Variants in CDH13 observed in about 807,000 individuals in gnomAD.
CDH13 encodes the protein cadherin-13.
CDH13 carries 24 observed loss-of-function variants against 63.8 expected under a neutral mutation model. That is an observed-to-expected ratio of 0.38 (90% CI 0.27 to 0.53). The LOEUF (loss-of-function observed/expected upper bound fraction) is 0.53, where lower values mean the gene tolerates loss of function less well. Among genes scored for constraint, CDH13 ranks in the 20% least tolerant of loss-of-function variants. The probability of loss-of-function intolerance (pLI) is 0.85; values close to 1 mark genes in which losing one functional copy is unlikely to be tolerated. For synonymous variants in CDH13, 503 were observed against 355.3 expected, an observed-to-expected ratio of 1.42 and a Z score of -4.67; for missense variants, 1,049 against 903.1, an observed-to-expected ratio of 1.16 and a Z score of -2.07.
chr16:83,411,000 G>T (rs2092118053), intron 6 of CDH13, among the ~76,000 whole-genome samples: 1 of 152,160 alleles, frequency 6.6e-6, no homozygotes, highest in Non-Finnish European at 1.5e-5. Flanking sequence ...GTCAACCCAT[G>T]TCCGTGCGTG....
chr16:83,346,339 C>T (rs550767897), intron 6 of CDH13, among the ~76,000 whole-genome samples: 8 of 152,280 alleles, frequency 5.3e-5, no homozygotes, highest in African/African-American at 1.9e-4. Context: ...TGGTGAGAAA[C>T]ACCCTAGAAT....
chr16:83,341,994 CACACACACACACACACA>C (rs2090735145), intron 5 of CDH13, among the ~76,000 whole-genome samples: 12 of 126,596 alleles, frequency 9.5e-5, no homozygotes, highest in Admixed American at 8.9e-4. Flanking sequence ...CCCTGCCACA[CACACACACACACACACA>C]CACACACACA....
At position 83,394,560 on chromosome 16, in the gene CDH13, C is replaced by T. The variant is rs1024034542; in HGVS notation, c.781+49554C>T. ...AGCAGATCACATCCAACTGTGCAGG[C>T]GTAGTAAAGAACCCAGCGTTTACTC... On this transcript the variant is annotated intron_variant, in intron 6 of 13. Coordinates refer to ENST00000567109, the MANE Select transcript of CDH13 (RefSeq NM_001257.5). 1.3e-4 allele frequency among the ~76,000 whole-genome samples: 20 copies of T among 152,196 alleles called. 1 individual carries two copies. In the South Asian group the frequency reaches 2.1e-3, roughly 16 times the overall value.
chr16:83,029,653 T>A (rs1337664076), intron 2 of CDH13, among the ~76,000 whole-genome samples: 2 of 152,156 alleles, frequency 1.3e-5, no homozygotes, highest in African/African-American at 4.8e-5. Flanking sequence ...TTAGATGCCA[T>A]GCAAATGCAG....
chr16:82,781,803 C>T (rs915203096), intron 1 of CDH13, among the ~76,000 whole-genome samples: 3 of 152,122 alleles, frequency 2.0e-5, no homozygotes, highest in East Asian at 1.9e-4. Context: ...ACATATAAGT[C>T]GCAGTTCTGT....
intron 7 of CDH13, among the ~76,000 whole-genome samples, chr16:83,508,171 A>C (rs1448856705): frequency 1.4e-4 from 14 of 97,390 alleles, no homozygotes; most frequent in African/African-American, 4.0e-4. Flanking sequence ...GGAGGGGAGG[A>C]GAGGGGAGGA....
At chr16:83,327,325 C>G (rs949706870) in intron 5 of CDH13, among the ~76,000 whole-genome samples, 2 of 152,208 alleles carry the variant, frequency 1.3e-5, no homozygotes, top group East Asian at 1.9e-4. Flanking sequence ...TTGAAACAGG[C>G]AGACAGGCTT....
rs552015114 is a variant in CDH13, at chr16:82,636,147, G to C, written c.45+9010G>C. 1.2e-4 allele frequency among the ~76,000 whole-genome samples: 19 copies of C among 152,266 alleles called. No homozygotes were observed. In the East Asian group the frequency reaches 3.7e-3, roughly 29 times the overall value. On this transcript the variant is annotated intron_variant, in intron 1 of 13. Coordinates refer to ENST00000567109, the MANE Select transcript of CDH13 (RefSeq NM_001257.5). ...GGTGGATAACTTGACAGGCTTTGATGGTGGCTGGGTATGGAGATGGCAGGG... is the reference window on the plus strand; with the variant it reads ...GGTGGATAACTTGACAGGCTTTGATCGTGGCTGGGTATGGAGATGGCAGGG...
At position 82,766,022 on chromosome 16, in the gene CDH13, T is replaced by C. The variant is rs560633301; in HGVS notation, c.46-92340T>C. ...TTAATAGAGAAATCTACAGCAACTCTTTATATTCTGGAGAGGTTTTATTAC... is the reference window on the plus strand; with the variant it reads ...TTAATAGAGAAATCTACAGCAACTCCTTATATTCTGGAGAGGTTTTATTAC... On this transcript the variant is annotated intron_variant, in intron 1 of 13. Coordinates refer to ENST00000567109, the MANE Select transcript of CDH13 (RefSeq NM_001257.5). Among the ~76,000 whole-genome samples the C allele has an allele frequency of 8.1e-4, 123 of 152,262 alleles. 1 individual carries two copies. The highest frequency in any genetic ancestry group is 1.4e-3 in the Non-Finnish European group (96 of 68,014).
chr16:83,075,834 G>A (rs909879705), intron 3 of CDH13, among the ~76,000 whole-genome samples: 1 of 152,180 alleles, frequency 6.6e-6, no homozygotes, highest in South Asian at 2.1e-4. Flanking sequence ...GAGAGTTTGT[G>A]TTAGAAGTCA....
intron 4 of CDH13, among the ~76,000 whole-genome samples, chr16:83,136,146 C>T (rs578216552): frequency 2.0e-5 from 3 of 150,768 alleles, no homozygotes; most frequent in East Asian, 2.0e-4. Context: ...AACCAAACAC[C>T]ACCTGTACCC....
At chr16:83,252,949 C>T (rs369876539) in intron 5 of CDH13, among the ~76,000 whole-genome samples, 1 of 151,776 alleles carries the variant, frequency 6.6e-6, no homozygotes, top group Admixed American at 6.6e-5. Flanking sequence ...CTTTCTGAAC[C>T]TCTGTGTCCT....
chr16:82,767,631 C>T (rs146133006), intron 1 of CDH13, among the ~76,000 whole-genome samples: 4 of 152,314 alleles, frequency 2.6e-5, no homozygotes, highest in Non-Finnish European at 5.9e-5. Flanking sequence ...TTCTTTCTTT[C>T]CATCACTCCC....
chr16:83,313,113 C>T (rs573858761), intron 5 of CDH13, among the ~76,000 whole-genome samples: 4 of 152,168 alleles, frequency 2.6e-5, no homozygotes, highest in Non-Finnish European at 5.9e-5. Flanking sequence ...TGCACATGCT[C>T]ATGAGTTTGC....
At chr16:82,789,820 T>C (rs900034004) in intron 1 of CDH13, among the ~76,000 whole-genome samples, 3 of 152,128 alleles carry the variant, frequency 2.0e-5, no homozygotes, top group Non-Finnish European at 2.9e-5. Context: ...CAGGTCCCAA[T>C]AGCAGTTTCT....
chr16:83,271,114 C>A (rs557624627), intron 5 of CDH13, among the ~76,000 whole-genome samples: 1 of 151,952 alleles, frequency 6.6e-6, no homozygotes, highest in African/African-American at 2.4e-5. Context: ...CTATAATTGC[C>A]TCTTCTTGGA....
intron 4 of CDH13, among the ~76,000 whole-genome samples, chr16:83,156,977 C>CATAGTTAATA (rs1220171673): frequency 6.6e-6 from 1 of 152,164 alleles, no homozygotes; most frequent in African/African-American, 2.4e-5. Context: ...ACAAGGGTGT[C>CATAGTTAATA]ATAGTTAATA....
chr16:83,534,426 A>G (rs951186691), intron 7 of CDH13, among the ~76,000 whole-genome samples: 3 of 152,154 alleles, frequency 2.0e-5, no homozygotes, highest in African/African-American at 7.2e-5. Flanking sequence ...GCATTAAATA[A>G]CCTTCTTCAG....
intron 2 of CDH13, among the ~76,000 whole-genome samples, chr16:82,999,703 C>G (rs1912652833): frequency 6.6e-6 from 1 of 152,144 alleles, no homozygotes; most frequent in Non-Finnish European, 1.5e-5. Context: ...TGTTTAAAAA[C>G]ACAGTTTGCA....
Sources: gnomAD v4.1 joint callset for allele counts (sites outside exome capture counted in the v4.1 genomes callset) on GRCh38, gnomAD v4.1.1 for gene constraint, MANE v1.5 for transcripts, NCBI Gene and HGNC (gene_info 2026-07-23, HGNC 2026-07-21) for gene names.